COA1: variants seen among roughly 807,000 people sequenced by gnomAD.
COA1 encodes cytochrome c oxidase assembly factor 1 homolog.
COA1 carries 13 observed loss-of-function variants against 16.0 expected under a neutral mutation model. The ratio of observed to expected loss-of-function variants is 0.81; its 90% confidence interval spans 0.53 to 1.29. The LOEUF (loss-of-function observed/expected upper bound fraction) is 1.29. Among genes scored for constraint, COA1 ranks in the 50% most tolerant of loss-of-function variants. The pLI, the probability that COA1 is intolerant of heterozygous loss-of-function variation, is 0.00. For synonymous variants in COA1, 65 were observed against 65.7 expected (o/e 0.99, Z 0.05); for missense variants, 179 against 177.0 (o/e 1.01, Z -0.06).
At chr7:43,713,430 T>C (rs1445941653) in intron 1 of COA1, among the ~76,000 whole-genome samples, 5 of 152,154 alleles carry the variant, frequency 3.3e-5, no homozygotes, top group Non-Finnish European at 7.4e-5. Context: ...CCAGAACTTA[T>C]TCCTCCTAAC....
intron 1 of COA1, among the ~76,000 whole-genome samples, chr7:43,702,718 T>C (rs569561243): frequency 3.0e-4 from 46 of 152,178 alleles, no homozygotes; most frequent in Non-Finnish European, 6.5e-4. Context: ...GTCACCTTTG[T>C]CGTATCTGAT....
At chr7:43,621,226 A>G (rs2153011729) in intron 6 of COA1, among the ~76,000 whole-genome samples, 1 of 152,346 alleles carries the variant, frequency 6.6e-6, no homozygotes, top group East Asian at 1.9e-4. Context: ...AAAATTTTTT[A>G]TATATTTTAA....
downstream of COA1, among the ~76,000 whole-genome samples, chr7:43,634,450 G>A (rs1053982249): frequency 2.0e-5 from 3 of 152,176 alleles, no homozygotes; most frequent in Non-Finnish European, 2.9e-5. Flanking sequence ...GCTAGAACAC[G>A]TGGGTCCCAC....
chr7:43,685,195 T>C (rs949600374), intron 1 of COA1, among the ~76,000 whole-genome samples: 1 of 150,600 alleles, frequency 6.6e-6, no homozygotes, highest in East Asian at 1.9e-4. Context: ...ATAAAATGTG[T>C]GTCTCTTATA....
chr7:43,724,124 A>G (rs2095564334), intron 1 of COA1, among the ~76,000 whole-genome samples: 1 of 152,210 alleles, frequency 6.6e-6, no homozygotes, highest in Non-Finnish European at 1.5e-5. Context: ...CCATGCCTAA[A>G]TTACACAATT....
intron 1 of COA1, among the ~76,000 whole-genome samples, chr7:43,698,412 A>G (rs548107424): frequency 2.6e-5 from 4 of 152,322 alleles, no homozygotes; most frequent in Admixed American, 2.0e-4. Flanking sequence ...AGACCAGCTC[A>G]TTGGTATAAA....
chr7:43,628,234 C>T (rs2084800132), intron 6 of COA1, among the ~76,000 whole-genome samples: 1 of 152,106 alleles, frequency 6.6e-6, no homozygotes, highest in African/African-American at 2.4e-5. Flanking sequence ...TCAAGTGATC[C>T]ACCCACCTCA....
At chr7:43,639,738 TAG>T in intron 5 of COA1, 57 bp from the exon 6 acceptor site, 1 of 1,416,664 alleles carries the variant, frequency 7.1e-7, no homozygotes, top group Non-Finnish European at 9.8e-7. Context: ...GCAACAGCCG[TAG>T]TCAAAAAAAG....
At chr7:43,641,395 T>G (rs536371196) in intron 4 of COA1, 1 of 151,766 alleles carries the variant, frequency 6.6e-6, no homozygotes, top group Middle Eastern at 3.6e-3. Context: ...TGTATGATGT[T>G]TGAAAATTAC....
rs148563659 is a variant in COA1 at position 43,707,660 on chromosome 7, C to T, written c.-39+21769G>A. On this transcript the variant is annotated intron_variant, in intron 1 of 5. Coordinates refer to ENST00000223336, the MANE Select transcript of COA1 (RefSeq NM_018224.4). ...TCTTTTGTGTGTGGGTTTTGTTCAA[C>T]ATCATGTTTTTAAGGTTCATCCATA... 2.4e-4 allele frequency among the ~76,000 whole-genome samples: 37 copies of T among 152,240 alleles called. 1 individual carries two copies. In the South Asian group the frequency reaches 3.3e-3, roughly 14 times the overall value.
At chr7:43,705,951 G>A (rs1316818155) in intron 1 of COA1, among the ~76,000 whole-genome samples, 1 of 152,006 alleles carries the variant, frequency 6.6e-6, no homozygotes, top group Non-Finnish European at 1.5e-5. Flanking sequence ...CTTTCAGCCT[G>A]GTATCTGCAT....
At chr7:43,662,415 T>A (rs974390369) in intron 1 of COA1, among the ~76,000 whole-genome samples, 2 of 152,124 alleles carry the variant, frequency 1.3e-5, no homozygotes, top group African/African-American at 4.8e-5. Flanking sequence ...GTATTTTTAG[T>A]AGAGACGGGG....
At chr7:43,644,833 G>C (rs2088774742) in intron 4 of COA1, among the ~76,000 whole-genome samples, 1 of 151,036 alleles carries the variant, frequency 6.6e-6, no homozygotes, top group East Asian at 1.9e-4. Context: ...GAGAGAGAGA[G>C]ACAGGGTCTT....
chr7:43,652,239 C>G (rs1024311983), intron 1 of COA1, among the ~76,000 whole-genome samples: 3 of 152,158 alleles, frequency 2.0e-5, no homozygotes, highest in Non-Finnish European at 4.4e-5. Context: ...CCCAGCAGAC[C>G]TATTAACACC....
intron 6 of COA1, among the ~76,000 whole-genome samples, chr7:43,615,481 T>C (rs2083262825): frequency 6.8e-6 from 1 of 147,436 alleles, no homozygotes; most frequent in Non-Finnish European, 1.5e-5. Flanking sequence ...CCAGCCCTTT[T>C]GTTGTACTAT....
At chr7:43,672,678 G>C (rs1039545870) in intron 1 of COA1, among the ~76,000 whole-genome samples, 1 of 151,614 alleles carries the variant, frequency 6.6e-6, no homozygotes, top group Admixed American at 6.6e-5. Flanking sequence ...GCTGAGGCAG[G>C]AGAATCACTT....
rs1277355554 is a variant in COA1, at chr7:43,648,663, A to G, written c.-38-11T>C. The G allele has an allele frequency of 6.3e-6, 10 of 1,598,520 alleles. No homozygotes were observed. In the Admixed American group the frequency reaches 1.4e-4, roughly 22 times the overall value. On this transcript the variant is annotated splice_polypyrimidine_tract_variant and intron_variant, in intron 1 of 5. Coordinates refer to ENST00000223336, the MANE Select transcript of COA1 (RefSeq NM_018224.4). ...CAAAGGCAAGTTGTCCTGCAATTAG[A>G]AAAGATTTTACATTAAAATCATATT...
At chr7:43,706,937 G>A (rs995295163) in intron 1 of COA1, among the ~76,000 whole-genome samples, 3 of 152,172 alleles carry the variant, frequency 2.0e-5, no homozygotes, top group African/African-American at 7.2e-5. Context: ...TTGGGAGGCT[G>A]AGGTGGGCAG....
At chr7:43,727,981 T>C (rs1353949086) in intron 1 of COA1, among the ~76,000 whole-genome samples, 5 of 150,886 alleles carry the variant, frequency 3.3e-5, no homozygotes, top group Non-Finnish European at 7.4e-5. Flanking sequence ...TTCTTTCTTT[T>C]TTTTTTTTTT....
Sources: gnomAD v4.1 joint callset for allele counts (sites outside exome capture counted in the v4.1 genomes callset) on GRCh38, gnomAD v4.1.1 for gene constraint, MANE v1.5 for transcripts, NCBI Gene and HGNC (gene_info 2026-07-23, HGNC 2026-07-21) for gene names.